CERS6: variants seen among roughly 807,000 people sequenced by gnomAD.
The protein encoded by CERS6 is LAG1 homolog, ceramide synthase 6.
A neutral mutation model predicts 56.8 loss-of-function variants in CERS6; 26 were observed. The observed-to-expected ratio is 0.46, with a 90% CI of 0.34 to 0.63. CERS6 has a LOEUF of 0.63. Among genes scored for constraint, CERS6 ranks in the 30% least tolerant of loss-of-function variants. The pLI, the probability that CERS6 is intolerant of heterozygous loss-of-function variation, is 0.01. For synonymous variants in CERS6, 164 were observed against 173.3 expected (o/e 0.95, Z 0.42); for missense variants, 415 against 467.5 (o/e 0.89, Z 1.04).
intron 8 of CERS6, among the ~76,000 whole-genome samples, chr2:168,739,740 A>G: frequency 6.6e-6 from 1 of 152,042 alleles, no homozygotes; most frequent in East Asian, 1.9e-4. Context: ...TGGTATGAAG[A>G]AGAAAGGAAC....
At chr2:168,715,197 T>C in intron 7 of CERS6, 68 bp downstream of exon 7, 1 of 1,413,620 alleles carries the variant, frequency 7.1e-7, no homozygotes, top group Non-Finnish European at 9.7e-7. Context: ...TCTCATTAGC[T>C]CTTCAGTGTT....
At position 168,561,285 on chromosome 2, in the gene CERS6, G is replaced by A; in HGVS notation, c.370G>A (p.Glu124Lys). The change falls in exon 3 of 10, where the codon GAG becomes AAG. Residue 124 changes from glutamate to lysine, a missense_variant. Coordinates refer to ENST00000305747, the MANE Select transcript of CERS6 (RefSeq NM_203463.3). The part of the protein sequence containing the change: ...QRWFRQRRNQ[E>K]KPSTLTRFCE... ...CTGGTTTCGACAAAGACGCAATCAG[G>A]AGAAGCCAAGCACGCTGACGAGGTT... 6.2e-7 allele frequency: 1 copy of A among 1,614,140 alleles called. No individual in the cohort carries two copies. Among genetic ancestry groups the A allele is most frequent in the Non-Finnish European group, 8.5e-7 (1 of 1,180,000 alleles).
chr2:168,756,706 G>T (rs887227500), intron 8 of CERS6, among the ~76,000 whole-genome samples: 1 of 152,128 alleles, frequency 6.6e-6, no homozygotes, highest in Admixed American at 6.5e-5. Context: ...GGGACGGATC[G>T]GCTCTGAGCA....
chr2:168,764,132 G>A (rs1574229525), intron 8 of CERS6, among the ~76,000 whole-genome samples: 1 of 152,002 alleles, frequency 6.6e-6, no homozygotes, highest in South Asian at 2.1e-4. Flanking sequence ...TACATTCATT[G>A]TTCTCTATTT....
intron 4 of CERS6, among the ~76,000 whole-genome samples, chr2:168,677,268 T>C (rs938146275): frequency 6.6e-6 from 1 of 151,570 alleles, no homozygotes; most frequent in African/African-American, 2.4e-5. Context: ...GAACATGCAG[T>C]GTTTGGTTTT....
At chr2:168,636,249 A>G (rs1684857158) in intron 4 of CERS6, among the ~76,000 whole-genome samples, 1 of 152,206 alleles carries the variant, frequency 6.6e-6, no homozygotes, top group Admixed American at 6.5e-5. Context: ...GCCCGAAGCA[A>G]AACTGGAAGC....
At chr2:168,578,584 A>G (rs1188508829) in intron 3 of CERS6, among the ~76,000 whole-genome samples, 2 of 152,204 alleles carry the variant, frequency 1.3e-5, no homozygotes, top group Non-Finnish European at 2.9e-5. Context: ...CCTGCAGCCA[A>G]CCAGACAGTT....
chr2:168,747,688 T>C (rs1001552299), intron 8 of CERS6, among the ~76,000 whole-genome samples: 2 of 152,172 alleles, frequency 1.3e-5, no homozygotes, highest in Admixed American at 6.5e-5. Context: ...GATCATATAG[T>C]TTAAATATTA....
intron 1 of CERS6, among the ~76,000 whole-genome samples, chr2:168,545,907 G>A (rs953177791): frequency 1.3e-5 from 2 of 152,214 alleles, no homozygotes; most frequent in Admixed American, 6.5e-5. Context: ...GGGAGGATGA[G>A]GGAGGGCGGG....
At chr2:168,580,869 C>T (rs1397597484) in intron 3 of CERS6, among the ~76,000 whole-genome samples, 1 of 152,214 alleles carries the variant, frequency 6.6e-6, no homozygotes, top group African/African-American at 2.4e-5. Context: ...CATAGTCACT[C>T]TGTCATTCCT....
At chr2:168,656,854 T>G (rs1006110504) in intron 4 of CERS6, among the ~76,000 whole-genome samples, 2 of 152,184 alleles carry the variant, frequency 1.3e-5, no homozygotes, top group Non-Finnish European at 2.9e-5. Context: ...GGGCGCTGAT[T>G]GGTGCGTTTA....
chr2:168,608,310 A>G (rs1684101960), intron 3 of CERS6, among the ~76,000 whole-genome samples: 1 of 152,226 alleles, frequency 6.6e-6, no homozygotes, highest in South Asian at 2.1e-4. Flanking sequence ...GGCTACTATG[A>G]ATAATGCTGC....
intron 8 of CERS6, among the ~76,000 whole-genome samples, chr2:168,752,409 T>C (rs1323742875): frequency 6.6e-6 from 1 of 150,676 alleles, no homozygotes; most frequent in African/African-American, 2.4e-5. Context: ...AAGCCTTGCA[T>C]GCAAATTGAA....
chr2:168,747,159 G>A (rs1684132051), intron 8 of CERS6, among the ~76,000 whole-genome samples: 1 of 151,992 alleles, frequency 6.6e-6, no homozygotes, highest in Non-Finnish European at 1.5e-5. Flanking sequence ...GATGGTGCAT[G>A]CCTATGGTCC....
intron 8 of CERS6, among the ~76,000 whole-genome samples, chr2:168,741,906 T>C (rs571641088): frequency 8.5e-5 from 13 of 152,244 alleles, no homozygotes; most frequent in African/African-American, 2.4e-4. Flanking sequence ...TCTGAAAACA[T>C]CAGTTTCAGT....
At chr2:168,614,473 G>A (rs983045920) in intron 3 of CERS6, among the ~76,000 whole-genome samples, 2 of 152,178 alleles carry the variant, frequency 1.3e-5, no homozygotes, top group Non-Finnish European at 1.5e-5. Context: ...GTAGCCTGGG[G>A]CAAGTTCTCA....
intron 3 of CERS6, among the ~76,000 whole-genome samples, chr2:168,602,923 C>T (rs1192277604): frequency 6.6e-6 from 1 of 152,214 alleles, no homozygotes. Flanking sequence ...AGTCTCCAAA[C>T]CAGCATGAAA....
At chr2:168,671,719 T>A (rs1194108206) in intron 4 of CERS6, among the ~76,000 whole-genome samples, 1 of 152,224 alleles carries the variant, frequency 6.6e-6, no homozygotes, top group African/African-American at 2.4e-5. Context: ...TCATGATATA[T>A]GAAGATGGAG....
chr2:168,537,267 A>G (rs1695281198), intron 1 of CERS6, among the ~76,000 whole-genome samples: 1 of 152,192 alleles, frequency 6.6e-6, no homozygotes, highest in African/African-American at 2.4e-5. Flanking sequence ...TCATTAAGCT[A>G]TTTACCATTT....
Sources: gnomAD v4.1 joint callset for allele counts (sites outside exome capture counted in the v4.1 genomes callset) on GRCh38, gnomAD v4.1.1 for gene constraint, MANE v1.5 for transcripts, NCBI Gene and HGNC (gene_info 2026-07-23, HGNC 2026-07-21) for gene names.